ZSWIM6: variants seen among roughly 807,000 people sequenced by gnomAD.
The protein encoded by ZSWIM6 is zinc finger SWIM-type containing 6.
ZSWIM6 carries 9 observed loss-of-function variants against 113.2 expected under a neutral mutation model. The observed-to-expected ratio is 0.08, with a 90% CI of 0.05 to 0.14. ZSWIM6 has a LOEUF of 0.14. Ranked by LOEUF, ZSWIM6 falls within the 10% of genes least tolerant of loss-of-function variation. The pLI, the probability that ZSWIM6 is intolerant of heterozygous loss-of-function variation, is 1.00. For synonymous variants in ZSWIM6, 611 were observed against 606.5 expected, an observed-to-expected ratio of 1.01 and a Z score of -0.11; for missense variants, 1,162 against 1,552.2, an observed-to-expected ratio of 0.75 and a Z score of 4.22.
At chr5:61,443,460 A>G (rs1454199706) in intron 1 of ZSWIM6, among the ~76,000 whole-genome samples, 1 of 152,190 alleles carries the variant, frequency 6.6e-6, no homozygotes, top group African/African-American at 2.4e-5. Context: ...TAATTCTAAC[A>G]TAACAGATAA....
At chr5:61,411,686 G>A (rs1746151064) in intron 1 of ZSWIM6, among the ~76,000 whole-genome samples, 2 of 152,136 alleles carry the variant, frequency 1.3e-5, no homozygotes, top group South Asian at 4.1e-4. Context: ...TTGGGTGTCT[G>A]ATGAGGCCCC....
intron 4 of ZSWIM6, among the ~76,000 whole-genome samples, chr5:61,500,782 A>G (rs1002457019): frequency 6.6e-6 from 1 of 152,204 alleles, no homozygotes. Flanking sequence ...GTACTACTGT[A>G]GGATAGAATA....
chr5:61,474,189 T>C lies in ZSWIM6; in HGVS notation c.1033+1152T>C, dbSNP rs181279315. Among the ~76,000 whole-genome samples the C allele has an allele frequency of 3.9e-5, 6 of 152,338 alleles. No individual in the cohort carries two copies. In the East Asian group the frequency reaches 1.2e-3, roughly 29 times the overall value. The stretch of plus-strand genomic sequence containing the variant: ...TGTGTTTTGTTGTTTTTGACATTAT[T>C]AAACATTGGTTTAGTTTTATCTATT... On this transcript the variant is annotated intron_variant, in intron 2 of 13. Transcript: ENST00000252744.
chr5:61,505,728 C>CCT lies in ZSWIM6; in HGVS notation c.1333+11339_1333+11340dup, dbSNP rs201304487. 1.3e-3 allele frequency among the ~76,000 whole-genome samples: 155 copies of CCT among 123,906 alleles called. 8 individuals carry two copies. Among genetic ancestry groups the CCT allele is most frequent in the African/African-American group, 2.6e-3 (79 of 30,106 alleles). 81.3% of individuals were successfully genotyped at this position (123,906 alleles called of 152,430 possible). On this transcript the variant is annotated intron_variant, in intron 4 of 13. Coordinates refer to ENST00000252744, the MANE Select transcript of ZSWIM6 (RefSeq NM_020928.2). ...CCTCCCTTCCTTCCTTCCTTCCTTC[C>CCT]CTCTCTCTCTCTCTCTCTCTCTTTC...
chr5:61,399,674 G>C (rs1579976373), intron 1 of ZSWIM6, among the ~76,000 whole-genome samples: 1 of 152,182 alleles, frequency 6.6e-6, no homozygotes, highest in African/African-American at 2.4e-5. Flanking sequence ...ATTACAAAAA[G>C]AAATGAAAAA....
At chr5:61,356,797 TATAA>T (rs1370961221) in intron 1 of ZSWIM6, among the ~76,000 whole-genome samples, 7 of 141,928 alleles carry the variant, frequency 4.9e-5, no homozygotes, top group African/African-American at 1.8e-4. Context: ...TTATATATAA[TATAA>T]ATATATAATT....
chr5:61,389,554 CAAA>C (rs60533774), intron 1 of ZSWIM6, among the ~76,000 whole-genome samples: 7 of 50,984 alleles, frequency 1.4e-4, no homozygotes, highest in South Asian at 7.2e-4. Context: ...GACTCAGTCT[CAAA>C]AAAAAAAAAA....
At chr5:61,354,175 C>T (rs1163526774) in intron 1 of ZSWIM6, among the ~76,000 whole-genome samples, 3 of 152,168 alleles carry the variant, frequency 2.0e-5, no homozygotes, top group African/African-American at 7.2e-5. Context: ...TATCCCTGCT[C>T]AGATTAACTG....
At chr5:61,414,297 G>GA (rs1412058719) in intron 1 of ZSWIM6, among the ~76,000 whole-genome samples, 2 of 151,734 alleles carry the variant, frequency 1.3e-5, no homozygotes, top group East Asian at 3.9e-4. Flanking sequence ...ATGGGATGGG[G>GA]AAAAAAAAGA....
At chr5:61,500,711 C>G (rs1748442645) in intron 4 of ZSWIM6, among the ~76,000 whole-genome samples, 1 of 152,128 alleles carries the variant, frequency 6.6e-6, no homozygotes, top group Non-Finnish European at 1.5e-5. Context: ...TGACTGAGAA[C>G]TGTATTAAAT....
chr5:61,436,816 C>G (rs1746717851), intron 1 of ZSWIM6, among the ~76,000 whole-genome samples: 2 of 152,110 alleles, frequency 1.3e-5, no homozygotes, highest in Admixed American at 6.5e-5. Flanking sequence ...TTCTGTTCAT[C>G]AATATGAAAA....
chr5:61,426,940 G>C (rs1178267548), intron 1 of ZSWIM6, among the ~76,000 whole-genome samples: 2 of 151,910 alleles, frequency 1.3e-5, no homozygotes, highest in African/African-American at 4.8e-5. Flanking sequence ...CTTATTGGTA[G>C]TGTTAATTGT....
At chr5:61,453,436 C>T (rs1195077742) in intron 1 of ZSWIM6, among the ~76,000 whole-genome samples, 3 of 149,284 alleles carry the variant, frequency 2.0e-5, no homozygotes, top group Admixed American at 1.3e-4. Context: ...GTTACAGCGG[C>T]GTGATCTTGG....
At chr5:61,423,040 C>T (rs1319372235) in intron 1 of ZSWIM6, among the ~76,000 whole-genome samples, 1 of 152,036 alleles carries the variant, frequency 6.6e-6, no homozygotes, top group Non-Finnish European at 1.5e-5. Context: ...TGCCGTTTCT[C>T]TTCTTTTCTT....
At chr5:61,494,637 T>G (rs886361579) in intron 4 of ZSWIM6, among the ~76,000 whole-genome samples, 2 of 152,106 alleles carry the variant, frequency 1.3e-5, no homozygotes, top group Non-Finnish European at 2.9e-5. Flanking sequence ...TTGAGGAAAG[T>G]TAAGTGCAGG....
Position 61,541,920 on chromosome 5 carries a change from C to T in ZSWIM6, c.2740C>T (p.Arg914Trp). 1.3e-6 allele frequency: 2 copies of T among 1,550,894 alleles called. No homozygotes were observed. Among genetic ancestry groups the T allele is most frequent in the Non-Finnish European group, 1.7e-6 (2 of 1,146,244 alleles). ...RMTLSTLNWR[R>W]REMVRWLVTC... ...GACACTGTCAACCTTAAATTGGCGA[C>T]GGCGGGAGATGGTGAGGTGGCTGGT... Residue 914 changes from arginine to tryptophan, a missense_variant, in exon 13 of 14, where the codon CGG becomes TGG. By Grantham distance (101) the Arg-to-Trp change is moderately radical (BLOSUM62 -3). Transcript: ENST00000252744.
At chr5:61,392,118 G>A (rs899677773) in intron 1 of ZSWIM6, among the ~76,000 whole-genome samples, 4 of 152,192 alleles carry the variant, frequency 2.6e-5, no homozygotes, top group African/African-American at 9.7e-5. Context: ...GGAGTGTTAT[G>A]TGAGATATCT....
chr5:61,348,840 G>A (rs1002274472), intron 1 of ZSWIM6, among the ~76,000 whole-genome samples: 6 of 152,128 alleles, frequency 3.9e-5, no homozygotes, highest in South Asian at 2.1e-4. Context: ...TAGATTGAGG[G>A]GCATTCTGTC....
intron 1 of ZSWIM6, among the ~76,000 whole-genome samples, chr5:61,340,952 A>G (rs527434499): frequency 6.6e-6 from 1 of 152,370 alleles, no homozygotes; most frequent in East Asian, 1.9e-4. Context: ...ATTAAAGTTC[A>G]GAAAAAGGAT....
Sources: allele counts gnomAD v4.1 joint callset (sites outside exome capture counted in the v4.1 genomes callset), GRCh38; gene constraint gnomAD v4.1.1; transcripts MANE v1.5; gene names NCBI Gene and HGNC (gene_info 2026-07-23, HGNC 2026-07-21).